GREB1L: variants seen among roughly 807,000 people sequenced by gnomAD.
GREB1L encodes GREB1 like retinoic acid receptor coactivator.
A neutral mutation model predicts 200.8 loss-of-function variants in GREB1L; 17 were observed. The observed-to-expected ratio is 0.08, with a 90% CI of 0.06 to 0.13. The LOEUF (loss-of-function observed/expected upper bound fraction) is 0.13, where lower values mean the gene tolerates loss of function less well. Ranked by LOEUF, GREB1L falls within the 10% of genes least tolerant of loss-of-function variation. The pLI, the probability that GREB1L is intolerant of heterozygous loss-of-function variation, is 1.00. For missense variants in GREB1L, 1,657 were observed against 2,367.7 expected, an observed-to-expected ratio of 0.70 and a Z score of 6.23; for synonymous variants, 789 against 893.0, an observed-to-expected ratio of 0.88 and a Z score of 2.08.
chr18:21,454,091 G>A (rs531418320), intron 14 of GREB1L, among the ~76,000 whole-genome samples: 1 of 152,284 alleles, frequency 6.6e-6, no homozygotes, highest in East Asian at 1.9e-4. Flanking sequence ...TGGGATAGGG[G>A]TGTTGAATTA....
chr18:21,421,924 T>C (rs2032187095), intron 7 of GREB1L, among the ~76,000 whole-genome samples: 1 of 152,206 alleles, frequency 6.6e-6, no homozygotes, highest in Admixed American at 6.5e-5. Context: ...TTTTTTCCAT[T>C]TTATTTCTTT....
rs2034953544 is a variant in GREB1L, at chr18:21,459,745, G to GA, written c.2182+5189dup. Among the ~76,000 whole-genome samples the GA allele has an allele frequency of 2.6e-5, 4 of 152,042 alleles. No homozygotes were observed. In the South Asian group the frequency reaches 8.3e-4, roughly 32 times the overall value. ...TTGTTGGTCACTTAAAATTTCAACA[G>GA]AAAAAAAGACAGTATTTTTTGTTCA... On this transcript the variant is annotated intron_variant, in intron 15 of 32. Transcript: ENST00000424526.
rs1358298627 is a variant in GREB1L at position 21,523,212 on chromosome 18, T to G, written c.*391T>G. On this transcript the variant is annotated 3_prime_UTR_variant, in exon 33 of 33. Coordinates refer to ENST00000424526, the MANE Select transcript of GREB1L (RefSeq NM_001142966.3). ...AATGTGTTACATGAGACTCATGCCA[T>G]TGGTGTGGAATCAATTGAAGATTAA... 1 of 157,368 alleles carries G rather than the reference T, an allele frequency of 6.4e-6. No homozygotes were observed. Among genetic ancestry groups the G allele is most frequent in the African/African-American group, 2.4e-5 (1 of 41,550 alleles). 9.7% of individuals were successfully genotyped at this position (157,368 alleles called of 1,614,324 possible). A position where few individuals can be genotyped will look rare whatever the true frequency, so the allele number is the denominator to read the frequency against.
intron 1 of GREB1L, among the ~76,000 whole-genome samples, chr18:21,308,927 A>T (rs1420062220): frequency 6.6e-6 from 1 of 152,096 alleles, no homozygotes; most frequent in Non-Finnish European, 1.5e-5. Flanking sequence ...CTATATGGTG[A>T]CCTCTGTGAT....
chr18:21,256,878 G>A (rs767128017), intron 1 of GREB1L, among the ~76,000 whole-genome samples: 4 of 151,692 alleles, frequency 2.6e-5, no homozygotes, highest in Non-Finnish European at 5.9e-5. Context: ...GTTGGTACAC[G>A]CCTATAATCC....
At chr18:21,320,289 A>G (rs552200369) in intron 1 of GREB1L, among the ~76,000 whole-genome samples, 21 of 152,334 alleles carry the variant, frequency 1.4e-4, no homozygotes, top group African/African-American at 5.0e-4. Flanking sequence ...TTAGAAGAGC[A>G]TATAGAAATT....
chr18:21,490,069 T>G lies in GREB1L; in HGVS notation c.2748T>G (p.Ser916=). ...VRCYLLIQQY[S]EALMALTTMA... ...GCTATCTTCTCATCCAGCAGTACTC[T>G]GAGGCCCTGATGGCTCTCACCACCA... The change falls in exon 19 of 33, where the codon TCT becomes TCG. Residue 916 remains serine (S), a synonymous_variant. Transcript: ENST00000424526. 1 of 1,551,988 alleles carries G rather than the reference T, an allele frequency of 6.4e-7. No individual in the cohort carries two copies. The highest frequency in any genetic ancestry group is 8.7e-7 in the Non-Finnish European group (1 of 1,147,058).
intron 1 of GREB1L, among the ~76,000 whole-genome samples, chr18:21,297,695 A>G (rs938834986): frequency 6.6e-6 from 1 of 152,206 alleles, no homozygotes; most frequent in Admixed American, 6.5e-5. Flanking sequence ...TACCATTCCC[A>G]AGTCTTCAGA....
At chr18:21,294,832 C>T (rs1399822177) in intron 1 of GREB1L, among the ~76,000 whole-genome samples, 1 of 152,080 alleles carries the variant, frequency 6.6e-6, no homozygotes, top group Admixed American at 6.6e-5. Flanking sequence ...AGGGAAGACA[C>T]AAGGACTGGA....
chr18:21,270,707 T>A (rs2038064418), intron 1 of GREB1L, among the ~76,000 whole-genome samples: 2 of 152,234 alleles, frequency 1.3e-5, no homozygotes, highest in Non-Finnish European at 2.9e-5. Context: ...TATTCTTTAG[T>A]TTACTCATCA....
chr18:21,393,651 G>A (rs771014462), intron 4 of GREB1L, among the ~76,000 whole-genome samples: 3 of 152,048 alleles, frequency 2.0e-5, no homozygotes, highest in Admixed American at 6.6e-5. Flanking sequence ...AGATGGTCTC[G>A]ATCTCCTGAC....
chr18:21,412,352 G>A (rs116023328), intron 7 of GREB1L, among the ~76,000 whole-genome samples: 1,737 of 152,154 alleles, frequency 0.011, 39 homozygotes, highest in African/African-American at 0.039. Context: ...GGTCAAGGCC[G>A]CAGTGAGCTG....
In GREB1L at chr18:21,403,873, A is replaced by G; in HGVS notation, c.711A>G (p.Glu237=). ...LSKGPLICWK[E]CRSRQSSASC... ...AATGTGATTTTTACTCTTTTCCAGAATGTAGAAGCCGACAATCCTCTGCTT... is the reference window on the plus strand; with the variant it reads ...AATGTGATTTTTACTCTTTTCCAGAGTGTAGAAGCCGACAATCCTCTGCTT... Residue 237 remains glutamate (E), a splice_region_variant and synonymous_variant, in exon 7 of 33, where the codon GAA becomes GAG. Transcript: ENST00000424526. 1.9e-6 allele frequency: 3 copies of G among 1,551,062 alleles called. No individual in the cohort carries two copies. The highest frequency in any genetic ancestry group is 3.3e-4 in the Middle Eastern group (2 of 5,992).
At chr18:21,355,683 A>ATTTCC (rs554983446) in intron 1 of GREB1L, among the ~76,000 whole-genome samples, 26 of 152,362 alleles carry the variant, frequency 1.7e-4, no homozygotes, top group Admixed American at 1.1e-3. Flanking sequence ...GCAGAAGGGA[A>ATTTCC]GGAAGTTTCA....
intron 1 of GREB1L, among the ~76,000 whole-genome samples, chr18:21,352,754 A>G (rs2039452116): frequency 6.6e-6 from 1 of 152,082 alleles, no homozygotes; most frequent in African/African-American, 2.4e-5. Context: ...TAAAGTAACA[A>G]TTTCATTGTA....
At chr18:21,327,585 T>C (rs920805734) in intron 1 of GREB1L, among the ~76,000 whole-genome samples, 1 of 152,120 alleles carries the variant, frequency 6.6e-6, no homozygotes, top group Non-Finnish European at 1.5e-5. Context: ...AATTATCTTT[T>C]TGAAAAGCAC....
intron 19 of GREB1L, among the ~76,000 whole-genome samples, chr18:21,492,848 G>T (rs1368888709): frequency 6.6e-6 from 1 of 152,216 alleles, no homozygotes; most frequent in Non-Finnish European, 1.5e-5. Flanking sequence ...CTACTTGGGA[G>T]CCTGAGGCAG....
In GREB1L at chr18:21,434,499, ATGTGTG is replaced by A. The variant is rs67516917; in HGVS notation, c.833-4994_833-4989del. 4.1e-3 allele frequency among the ~76,000 whole-genome samples: 521 copies of A among 127,254 alleles called. 1 individual carries two copies. The highest frequency in any genetic ancestry group is 5.7e-3 in the Non-Finnish European group (360 of 63,382). 83.5% of individuals were successfully genotyped at this position (127,254 alleles called of 152,430 possible). On this transcript the variant is annotated intron_variant, in intron 7 of 32. Coordinates refer to ENST00000424526, the MANE Select transcript of GREB1L (RefSeq NM_001142966.3). ...TAAAAAAAATAGTATATATATATAT[ATGTGTG>A]TGTGTGTGTGTGTGTGTGTGTGTGT...
intron 1 of GREB1L, among the ~76,000 whole-genome samples, chr18:21,363,297 CCCCA>C (rs1261022427): frequency 1.4e-4 from 16 of 113,240 alleles, no homozygotes; most frequent in African/African-American, 5.6e-4. Flanking sequence ...GCCCCCCCCC[CCCCA>C]CACACACAAG....
Sources: allele counts gnomAD v4.1 joint callset (sites outside exome capture counted in the v4.1 genomes callset), GRCh38; gene constraint gnomAD v4.1.1; transcripts MANE v1.5; gene names NCBI Gene and HGNC (gene_info 2026-07-23, HGNC 2026-07-21).